Variants in COTL1 observed in about 807,000 individuals in gnomAD.
The protein encoded by COTL1 is coactosin-like protein.
COTL1 carries 15 observed loss-of-function variants against 16.5 expected under a neutral mutation model. That is an observed-to-expected ratio of 0.91 (90% CI 0.61 to 1.40). The LOEUF is 1.40. COTL1 is among the 40% of genes most tolerant of loss of function. The probability of loss-of-function intolerance (pLI) is 0.00; values close to 1 mark genes in which losing one functional copy is unlikely to be tolerated. For synonymous variants in COTL1, 112 were observed against 85.3 expected, an observed-to-expected ratio of 1.31 and a Z score of -1.73; for missense variants, 220 against 201.5, an observed-to-expected ratio of 1.09 and a Z score of -0.56.
At chr16:84,600,880 G>C (rs1261373743) in intron 2 of COTL1, among the ~76,000 whole-genome samples, 1 of 152,182 alleles carries the variant, frequency 6.6e-6, no homozygotes, top group Non-Finnish European at 1.5e-5. Flanking sequence ...AGCTGATCTG[G>C]ATACCCAAAT....
At chr16:84,608,858 T>A (rs1905263356) in intron 2 of COTL1, among the ~76,000 whole-genome samples, 2 of 152,176 alleles carry the variant, frequency 1.3e-5, no homozygotes, top group African/African-American at 4.8e-5. Context: ...TGAGCCAAGA[T>A]CGTGCCACTG....
intron 2 of COTL1, among the ~76,000 whole-genome samples, chr16:84,608,954 G>T (rs1905265551): frequency 6.6e-6 from 1 of 152,136 alleles, no homozygotes; most frequent in Non-Finnish European, 1.5e-5. Context: ...AGCAAAGTAG[G>T]AACCCAATAA....
intron 3 of COTL1, among the ~76,000 whole-genome samples, chr16:84,586,757 TGGTATTTTTA>T (rs1254727057): frequency 1.3e-5 from 2 of 152,046 alleles, no homozygotes; most frequent in Non-Finnish European, 2.9e-5. Context: ...GCTACTTTTT[TGGTATTTTTA>T]GTAGAGACGG....
chr16:84,585,427 C>T (rs1452992105), intron 3 of COTL1, among the ~76,000 whole-genome samples: 1 of 152,046 alleles, frequency 6.6e-6, no homozygotes, highest in African/African-American at 2.4e-5. Context: ...AATTTACACC[C>T]TCCACGTTTC....
intron 2 of COTL1, among the ~76,000 whole-genome samples, chr16:84,601,740 C>T (rs1004758640): frequency 6.6e-6 from 1 of 152,212 alleles, no homozygotes; most frequent in Non-Finnish European, 1.5e-5. Flanking sequence ...AGGCATAAGC[C>T]ACCGCACCCA....
chr16:84,572,553 T>G (rs1319167598), intron 3 of COTL1, among the ~76,000 whole-genome samples: 1 of 151,968 alleles, frequency 6.6e-6, no homozygotes, highest in African/African-American at 2.4e-5. Context: ...CTCAACCTCC[T>G]AGGTTCAAGC....
rs1905546126 is a variant in COTL1 at position 84,617,945 on chromosome 16, G to C, written c.-31C>G. On this transcript the variant is annotated 5_prime_UTR_variant, in exon 1 of 4. Transcript: ENST00000262428. ...CGGAGCCGCAGCGGGACACTGTCCG[G>C]GGCGGCCGAGCGCGCCCCTGGCCGG... The C allele has an allele frequency of 3.3e-6, 5 of 1,509,744 alleles. No homozygotes were observed. In the South Asian group the frequency reaches 3.7e-5, roughly 11 times the overall value. The allele number at this position is 1,509,744 out of a possible 1,614,324, so 93.5% of individuals were successfully genotyped here. A position where few individuals can be genotyped will look rare whatever the true frequency, so the allele number is the denominator to read the frequency against.
At chr16:84,578,645 A>C (rs1801417367) in intron 3 of COTL1, among the ~76,000 whole-genome samples, 1 of 152,042 alleles carries the variant, frequency 6.6e-6, no homozygotes, top group Non-Finnish European at 1.5e-5. Context: ...AGGCATACAC[A>C]CACACACAGG....
rs1905106970 is a variant in COTL1 at position 84,601,644 on chromosome 16, C to T, written c.161-11382G>A. Among the ~76,000 whole-genome samples, 3 of 152,280 alleles carry T rather than the reference C, an allele frequency of 2.0e-5. No individual in the cohort carries two copies. In the Middle Eastern group the frequency reaches 0.01, roughly 518 times the overall value. On this transcript the variant is annotated intron_variant, in intron 2 of 3. Transcript: ENST00000262428. ...GCTAATTTTTGTATTTTAATATAGA[C>T]CAGGTTTCACCATGTTGGCCAGGCT...
intron 2 of COTL1, among the ~76,000 whole-genome samples, chr16:84,602,322 T>C (rs1479586687): frequency 6.6e-6 from 1 of 150,662 alleles, no homozygotes; most frequent in Non-Finnish European, 1.5e-5. Context: ...GCCCAGGAGG[T>C]TGAGGCTGCA....
chr16:84,615,832 G>A (rs961593663), intron 2 of COTL1, among the ~76,000 whole-genome samples: 2 of 146,712 alleles, frequency 1.4e-5, no homozygotes, highest in African/African-American at 2.6e-5. Context: ...TACAGGCAGC[G>A]CTCAAGGAGT....
chr16:84,574,068 T>C (rs992795154), intron 3 of COTL1, among the ~76,000 whole-genome samples: 1 of 151,958 alleles, frequency 6.6e-6, no homozygotes, highest in Non-Finnish European at 1.5e-5. Context: ...CTTGGGAGGC[T>C]GAGGCAGGAA....
At chr16:84,605,386 G>A (rs781022265) in intron 2 of COTL1, among the ~76,000 whole-genome samples, 8 of 152,240 alleles carry the variant, frequency 5.3e-5, no homozygotes, top group African/African-American at 1.9e-4. Context: ...GAAATCACAA[G>A]TGACTGCGGC....
At chr16:84,609,797 T>C (rs1597186098) in intron 2 of COTL1, among the ~76,000 whole-genome samples, 1 of 152,134 alleles carries the variant, frequency 6.6e-6, no homozygotes, top group African/African-American at 2.4e-5. Flanking sequence ...TCAGTCTGTC[T>C]CCTGCTGCCA....
At chr16:84,609,384 T>C (rs1159608721) in intron 2 of COTL1, among the ~76,000 whole-genome samples, 2 of 152,178 alleles carry the variant, frequency 1.3e-5, no homozygotes, top group Admixed American at 1.3e-4. Flanking sequence ...AGGCCTGCAC[T>C]AAGGCCAGTC....
intron 3 of COTL1, chr16:84,568,731 A>G (rs1165814724): frequency 6.6e-6 from 1 of 152,216 alleles, no homozygotes; most frequent in Non-Finnish European, 1.5e-5. Context: ...AAGTACTGAA[A>G]AAGTACACTT....
intron 3 of COTL1, among the ~76,000 whole-genome samples, chr16:84,587,038 G>A (rs1015861120): frequency 5.3e-5 from 8 of 152,136 alleles, no homozygotes; most frequent in South Asian, 2.1e-4. Flanking sequence ...CACGGCGGGC[G>A]GAATTCAGCA....
In COTL1 at chr16:84,582,792, A is replaced by G. The variant is rs1038729381; in HGVS notation, c.318+7313T>C. On this transcript the variant is annotated intron_variant, in intron 3 of 3. Coordinates refer to ENST00000262428, the MANE Select transcript of COTL1 (RefSeq NM_021149.5). Reference sequence around the variant, plus strand: ...TTTTACATTCTCTTTTTCCTAAGTGAAAACACAGAAATTCTAGTGATAAAT... The same window carrying G: ...TTTTACATTCTCTTTTTCCTAAGTGGAAACACAGAAATTCTAGTGATAAAT... Among the ~76,000 whole-genome samples, 4 of 152,204 alleles carry G rather than the reference A, an allele frequency of 2.6e-5. No homozygotes were observed. In the East Asian group the frequency reaches 7.7e-4, roughly 29 times the overall value.
At chr16:84,577,571 G>C (rs1431551180) in intron 3 of COTL1, among the ~76,000 whole-genome samples, 1 of 152,172 alleles carries the variant, frequency 6.6e-6, no homozygotes, top group African/African-American at 2.4e-5. Flanking sequence ...ATAGGCATGA[G>C]TCATTATAGA....
Sources: allele counts gnomAD v4.1 joint callset (sites outside exome capture counted in the v4.1 genomes callset), GRCh38; gene constraint gnomAD v4.1.1; transcripts MANE v1.5; gene names NCBI Gene and HGNC (gene_info 2026-07-23, HGNC 2026-07-21).